SLC35D2: variants seen among roughly 807,000 people sequenced by gnomAD.
SLC35D2 encodes solute carrier family 35 member D2.
In SLC35D2, 43 loss-of-function variants were observed where a neutral mutation model predicts 41.8. The ratio of observed to expected loss-of-function variants is 1.03; its 90% CI spans 0.81 to 1.33. SLC35D2 has a LOEUF of 1.33. SLC35D2 is among the 40% of genes most tolerant of loss of function. The probability of loss-of-function intolerance (pLI) is 0.00; values close to 1 mark genes in which losing one functional copy is unlikely to be tolerated. For missense variants in SLC35D2, 380 were observed against 408.4 expected (o/e 0.93, Z 0.60); for synonymous variants, 150 against 163.9 (o/e 0.92, Z 0.65).
intron 1 of SLC35D2, among the ~76,000 whole-genome samples, chr9:96,376,739 C>T (rs1276998145): frequency 6.6e-6 from 1 of 152,000 alleles, no homozygotes; most frequent in East Asian, 2.0e-4. Flanking sequence ...CACCACTGCA[C>T]TCCTGAGTAG....
At chr9:96,374,140 A>G (rs1325353993) in intron 1 of SLC35D2, 2 of 152,222 alleles carry the variant, frequency 1.3e-5, no homozygotes, top group African/African-American at 4.8e-5. Context: ...ATAAAATTAA[A>G]TAATTAAATC....
intron 8 of SLC35D2, among the ~76,000 whole-genome samples, chr9:96,338,890 T>C (rs1031580180): frequency 6.6e-6 from 1 of 151,988 alleles, no homozygotes; most frequent in African/African-American, 2.4e-5. Context: ...TAAAATAAAA[T>C]TGGGAATAAG....
At chr9:96,380,516 G>C (rs1329160422) in intron 1 of SLC35D2, among the ~76,000 whole-genome samples, 1 of 151,090 alleles carries the variant, frequency 6.6e-6, no homozygotes, top group African/African-American at 2.4e-5. Context: ...GGAGTGCAGT[G>C]GTGTGATCTC....
intron 1 of SLC35D2, among the ~76,000 whole-genome samples, chr9:96,377,107 A>G (rs1250432421): frequency 2.0e-5 from 3 of 151,630 alleles, no homozygotes; most frequent in Middle Eastern, 3.2e-3. Flanking sequence ...AGGCACAGTC[A>G]CAGCAGCGAG....
chr9:96,326,598 T>C (rs1263993037), intron 9 of SLC35D2, among the ~76,000 whole-genome samples: 1 of 151,962 alleles, frequency 6.6e-6, no homozygotes, highest in African/African-American at 2.4e-5. Context: ...GGTCAGGAGA[T>C]TGAGACCATC....
At position 96,368,289 on chromosome 9, in the gene SLC35D2, AAAT is replaced by A. The variant is rs1475579950; in HGVS notation, c.172_174del (p.Ile58del). ...TCACTCACCTGTCCAATTCCAAGGA[AAAT>A]TGGTGACGGGAAACTACAAAGGACA... On this transcript the variant is annotated inframe_deletion, in exon 2 of 12. Coordinates refer to ENST00000253270, the MANE Select transcript of SLC35D2 (RefSeq NM_007001.3). 3.1e-6 allele frequency: 5 copies of A among 1,608,792 alleles called. No homozygotes were observed. In the African/African-American group the frequency reaches 4.0e-5, roughly 13 times the overall value.
intron 3 of SLC35D2, among the ~76,000 whole-genome samples, chr9:96,361,917 G>A (rs1003432172): frequency 1.6e-4 from 25 of 152,094 alleles, no homozygotes; most frequent in Admixed American, 3.3e-4. Flanking sequence ...CCACCTGGCC[G>A]GGGGTATTTT....
chr9:96,367,905 G>C (rs573966219), intron 2 of SLC35D2, among the ~76,000 whole-genome samples: 5 of 152,250 alleles, frequency 3.3e-5, no homozygotes, highest in African/African-American at 1.2e-4. Context: ...CTTAAACTAA[G>C]TATCAAGCTG....
intron 1 of SLC35D2, among the ~76,000 whole-genome samples, chr9:96,375,651 A>C (rs1376395909): frequency 6.6e-6 from 1 of 152,054 alleles, no homozygotes; most frequent in Non-Finnish European, 1.5e-5. Flanking sequence ...CTGTATCCCC[A>C]ATGTTTTAAC....
chr9:96,328,307 A>G (rs1322864503), intron 9 of SLC35D2, among the ~76,000 whole-genome samples: 1 of 151,952 alleles, frequency 6.6e-6, no homozygotes, highest in Non-Finnish European at 1.5e-5. Context: ...CACAATCACA[A>G]CTCACTGGGC....
intron 4 of SLC35D2, among the ~76,000 whole-genome samples, chr9:96,359,166 T>C (rs1185614302): frequency 6.6e-6 from 1 of 151,268 alleles, no homozygotes; most frequent in Non-Finnish European, 1.5e-5. Context: ...TAGCCGGGCA[T>C]AGTGGCAGGC....
chr9:96,372,554 G>A (rs1010503131), intron 1 of SLC35D2, among the ~76,000 whole-genome samples: 8 of 146,912 alleles, frequency 5.4e-5, no homozygotes, highest in African/African-American at 2.0e-4. Context: ...TCCTCTCTGA[G>A]CTAAATAATT....
At chr9:96,360,969 C>T (rs982168127) in intron 3 of SLC35D2, among the ~76,000 whole-genome samples, 16 of 152,124 alleles carry the variant, frequency 1.1e-4, no homozygotes, top group African/African-American at 3.4e-4. Context: ...TCTCGAACTC[C>T]TGGTCTCAGG....
At chr9:96,369,316 G>A (rs1319599909) in intron 1 of SLC35D2, among the ~76,000 whole-genome samples, 1 of 152,136 alleles carries the variant, frequency 6.6e-6, no homozygotes, top group African/African-American at 2.4e-5. Flanking sequence ...GTCATGGGTT[G>A]GAAACTTGCT....
chr9:96,350,895 T>A, intron 6 of SLC35D2: 1 of 484,518 alleles, frequency 2.1e-6, no homozygotes, highest in Non-Finnish European at 3.7e-6. Flanking sequence ...AATGCTCTCT[T>A]CATATATTCT....
chr9:96,382,492 C>CTCTATATATATATATAT (rs1238678610), intron 1 of SLC35D2, among the ~76,000 whole-genome samples: 2 of 144,196 alleles, frequency 1.4e-5, no homozygotes, highest in African/African-American at 2.7e-5. Flanking sequence ...CACACACACA[C>CTCTATATATATATATAT]ACACTATATA....
chr9:96,337,005 A>G (rs1360361128), intron 8 of SLC35D2, among the ~76,000 whole-genome samples: 2 of 152,226 alleles, frequency 1.3e-5, no homozygotes, highest in Non-Finnish European at 2.9e-5. Flanking sequence ...TAAAAAAAGG[A>G]AAGCCTTCCT....
At chr9:96,379,300 C>G (rs1466036264) in intron 1 of SLC35D2, among the ~76,000 whole-genome samples, 1 of 149,838 alleles carries the variant, frequency 6.7e-6, no homozygotes, top group African/African-American at 2.5e-5. Context: ...GAGTGAGACC[C>G]TGTCTCAAAA....
At chr9:96,357,546 C>G (rs956647558) in intron 4 of SLC35D2, 6 of 151,910 alleles carry the variant, frequency 3.9e-5, no homozygotes, top group African/African-American at 1.5e-4. Context: ...TTGAAAGACC[C>G]CATCACTTAA....
Sources: allele counts gnomAD v4.1 joint callset (sites outside exome capture counted in the v4.1 genomes callset), GRCh38; gene constraint gnomAD v4.1.1; transcripts MANE v1.5; gene names NCBI Gene and HGNC (gene_info 2026-07-23, HGNC 2026-07-21).